GRM7: variants seen among roughly 807,000 people sequenced by gnomAD.
GRM7 encodes the protein metabotropic glutamate receptor 7.
A neutral mutation model predicts 84.5 loss-of-function variants in GRM7; 35 were observed. The ratio of observed to expected loss-of-function variants is 0.41; its 90% CI spans 0.32 to 0.55. GRM7 has a LOEUF of 0.55. GRM7 is among the 20% of genes least tolerant of loss of function. The pLI is 0.19. For synonymous variants in GRM7, 487 were observed against 455.1 expected, an observed-to-expected ratio of 1.07 and a Z score of -0.89; for missense variants, 1,003 against 1,194.6, an observed-to-expected ratio of 0.84 and a Z score of 2.36.
intron 2 of GRM7, among the ~76,000 whole-genome samples, chr3:7,165,743 T>C (rs558452295): frequency 3.9e-5 from 6 of 152,346 alleles, no homozygotes; most frequent in African/African-American, 9.6e-5. Context: ...CTTTTAACCA[T>C]ATATTGCTGT....
At chr3:7,043,326 T>G (rs1279751295) in intron 1 of GRM7, among the ~76,000 whole-genome samples, 1 of 152,178 alleles carries the variant, frequency 6.6e-6, no homozygotes, top group Non-Finnish European at 1.5e-5. Context: ...CAAGCTGCCT[T>G]GGTCTTCCTG....
At chr3:6,896,209 G>A (rs1559314347) in intron 1 of GRM7, among the ~76,000 whole-genome samples, 1 of 152,120 alleles carries the variant, frequency 6.6e-6, no homozygotes, top group African/African-American at 2.4e-5. Flanking sequence ...TTTGATGAAA[G>A]TATTCCCACG....
intron 1 of GRM7, among the ~76,000 whole-genome samples, chr3:7,080,334 T>C (rs542978003): frequency 1.4e-4 from 21 of 152,146 alleles, no homozygotes; most frequent in African/African-American, 4.6e-4. Flanking sequence ...TCACATTTGG[T>C]CCAGTCTCCT....
Position 7,641,309 on chromosome 3 carries a change from T to C in GRM7, c.2452-38740T>C, listed in dbSNP as rs530436540. On this transcript the variant is annotated intron_variant, in intron 8 of 9. Coordinates refer to ENST00000357716, the MANE Select transcript of GRM7 (RefSeq NM_000844.4). ...CTGGAACTAAAAGGAAAAGATAAAA[T>C]AGGAATTACAGACAGAAAGAAGAAC... 3.9e-5 allele frequency among the ~76,000 whole-genome samples: 6 copies of C among 152,232 alleles called. No homozygotes were observed. In the South Asian group the frequency reaches 1.2e-3, roughly 32 times the overall value.
chr3:7,096,470 A>G (rs1420697053), intron 1 of GRM7, among the ~76,000 whole-genome samples: 1 of 152,080 alleles, frequency 6.6e-6, no homozygotes, highest in Non-Finnish European at 1.5e-5. Context: ...CTTAGGGTGA[A>G]GTCTAAGAGG....
chr3:6,927,664 T>A (rs1697362074), intron 1 of GRM7, among the ~76,000 whole-genome samples: 1 of 152,182 alleles, frequency 6.6e-6, no homozygotes, highest in African/African-American at 2.4e-5. Context: ...CATATGCATA[T>A]GTAAATCTAC....
At chr3:7,537,221 T>C (rs1701276127) in intron 7 of GRM7, among the ~76,000 whole-genome samples, 1 of 152,212 alleles carries the variant, frequency 6.6e-6, no homozygotes, top group Non-Finnish European at 1.5e-5. Flanking sequence ...CTCTTCTTCT[T>C]CACTTCCTGA....
At chr3:7,433,152 C>A (rs1469206441) in intron 5 of GRM7, among the ~76,000 whole-genome samples, 2 of 152,116 alleles carry the variant, frequency 1.3e-5, no homozygotes, top group East Asian at 3.9e-4. Context: ...GGCCAGGTGG[C>A]AGTCTCATCT....
chr3:6,978,533 C>T (rs906797150), intron 1 of GRM7, among the ~76,000 whole-genome samples: 1 of 152,092 alleles, frequency 6.6e-6, no homozygotes, highest in Non-Finnish European at 1.5e-5. Flanking sequence ...CACTGATCGC[C>T]ATTATTTTCC....
chr3:6,877,312 T>C (rs1559300693), intron 1 of GRM7, among the ~76,000 whole-genome samples: 2 of 152,218 alleles, frequency 1.3e-5, no homozygotes, highest in Non-Finnish European at 1.5e-5. Flanking sequence ...CATTAATTCA[T>C]AGGCACCTTG....
chr3:7,491,882 A>G (rs1037998007), intron 7 of GRM7, among the ~76,000 whole-genome samples: 1 of 152,158 alleles, frequency 6.6e-6, no homozygotes, highest in Non-Finnish European at 1.5e-5. Context: ...TACATATATA[A>G]CAGAACATGC....
At chr3:7,315,016 GA>G (rs1426607531) in intron 4 of GRM7, among the ~76,000 whole-genome samples, 1 of 151,666 alleles carries the variant, frequency 6.6e-6, no homozygotes, top group Non-Finnish European at 1.5e-5. Context: ...TGTGATTACT[GA>G]AATCTGTTTT....
chr3:7,672,138 A>T (rs1699942792), intron 8 of GRM7, among the ~76,000 whole-genome samples: 1 of 151,894 alleles, frequency 6.6e-6, no homozygotes, highest in African/African-American at 2.4e-5. Context: ...TTCCATCATC[A>T]TGTATTATTT....
intron 1 of GRM7, among the ~76,000 whole-genome samples, chr3:7,099,631 A>G (rs967812050): frequency 4.0e-5 from 5 of 124,804 alleles, no homozygotes; most frequent in Admixed American, 8.1e-5. Context: ...GTATATGTAC[A>G]CGCATTATAC....
intron 8 of GRM7, among the ~76,000 whole-genome samples, chr3:7,665,659 A>C (rs1699668978): frequency 7.5e-6 from 1 of 132,630 alleles, no homozygotes; most frequent in African/African-American, 3.1e-5. Flanking sequence ...TTTACAATCT[A>C]CTCTTTCATT....
chr3:7,617,342 C>T (rs932844660), intron 8 of GRM7, among the ~76,000 whole-genome samples: 15 of 151,982 alleles, frequency 9.9e-5, no homozygotes, highest in Admixed American at 4.6e-4. Context: ...CTTATTTTCA[C>T]GCATAATGTT....
chr3:7,276,805 T>TCCTTCCTTCCC (rs1699086677), intron 2 of GRM7, among the ~76,000 whole-genome samples: 1 of 1,342 alleles, frequency 7.5e-4, no homozygotes, highest in African/African-American at 8.7e-4. Context: ...CTTCCTTCCT[T>TCCTTCCTTCCC]TTTGGTGGTG....
intron 1 of GRM7, among the ~76,000 whole-genome samples, chr3:7,128,178 C>G (rs1235591166): frequency 1.3e-5 from 2 of 151,746 alleles, no homozygotes; most frequent in Non-Finnish European, 2.9e-5. Context: ...CTTCCAGAGT[C>G]CATTTAAAAT....
chr3:6,971,495 C>G (rs774564684), intron 1 of GRM7, among the ~76,000 whole-genome samples: 18 of 152,134 alleles, frequency 1.2e-4, no homozygotes, highest in Non-Finnish European at 2.2e-4. Context: ...CCATCAAAAT[C>G]AAGAAACGGA....
Sources: gnomAD v4.1 joint callset for allele counts (sites outside exome capture counted in the v4.1 genomes callset) on GRCh38, gnomAD v4.1.1 for gene constraint, MANE v1.5 for transcripts, NCBI Gene and HGNC (gene_info 2026-07-23, HGNC 2026-07-21) for gene names.